WASHC4: variants seen among roughly 807,000 people sequenced by gnomAD.
The protein encoded by WASHC4 is WASH complex subunit 7.
WASHC4 carries 86 observed loss-of-function variants against 166.6 expected under a neutral mutation model. The ratio of observed to expected loss-of-function variants is 0.52; its 90% CI spans 0.43 to 0.62. WASHC4 has a LOEUF of 0.62. Among genes scored for constraint, WASHC4 ranks in the 20% least tolerant of loss-of-function variants. WASHC4 has a pLI of 0.00. For synonymous variants in WASHC4, 446 were observed against 451.6 expected (o/e 0.99, Z 0.16); for missense variants, 1,262 against 1,382.4 (o/e 0.91, Z 1.38).
intron 7 of WASHC4, among the ~76,000 whole-genome samples, chr12:105,119,272 G>C (rs1176214398): frequency 6.6e-6 from 1 of 152,020 alleles, no homozygotes; most frequent in African/African-American, 2.4e-5. Flanking sequence ...CATTTTCATA[G>C]AGCTCTTGCA....
At chr12:105,131,078 A>T (rs113492699) in intron 13 of WASHC4, among the ~76,000 whole-genome samples, 2,265 of 149,020 alleles carry the variant, frequency 0.015, 41 homozygotes, top group African/African-American at 0.042. Flanking sequence ...TTATTTATTT[A>T]TTTATTTTTT....
intron 4 of WASHC4, 67 bp downstream of exon 4, chr12:105,114,494 A>G (rs902776270): frequency 3.3e-5 from 33 of 985,990 alleles, no homozygotes; most frequent in Non-Finnish European, 4.9e-5. Flanking sequence ...GTGTTTATAT[A>G]TGTACAGTGT....
intron 18 of WASHC4, among the ~76,000 whole-genome samples, 198 bp downstream of exon 18, chr12:105,141,444 A>G (rs1882842236): frequency 6.6e-6 from 1 of 152,256 alleles, no homozygotes; most frequent in Non-Finnish European, 1.5e-5. Context: ...GGAAGCATGT[A>G]GCCCCTAGAA....
intron 13 of WASHC4, 109 bp from the exon 14 acceptor site, chr12:105,133,661 A>T: frequency 2.1e-6 from 2 of 946,244 alleles, no homozygotes; most frequent in Non-Finnish European, 3.4e-6. Context: ...ATCTTTTGAA[A>T]ACCAGAAAGA....
At chr12:105,111,792 TTTG>T (rs1565990092) in intron 2 of WASHC4, among the ~76,000 whole-genome samples, 1 of 152,236 alleles carries the variant, frequency 6.6e-6, no homozygotes, top group East Asian at 1.9e-4. Context: ...TTAAAATTAG[TTTG>T]TTACCACTTG....
At chr12:105,157,349 A>C (rs761845485) in intron 28 of WASHC4, 27 bp downstream of exon 28, 2 of 1,300,494 alleles carry the variant, frequency 1.5e-6, no homozygotes, top group Non-Finnish European at 2.2e-6. Context: ...AATATAAAAA[A>C]GTGTGTTTAT....
At chr12:105,113,105 C>T (rs1057009289) in intron 2 of WASHC4, among the ~76,000 whole-genome samples, 12 of 152,204 alleles carry the variant, frequency 7.9e-5, no homozygotes, top group African/African-American at 2.2e-4. Context: ...CTCAACACTT[C>T]TGTGAGAATC....
intron 4 of WASHC4, among the ~76,000 whole-genome samples, chr12:105,114,808 T>C (rs1880027096): frequency 6.6e-6 from 1 of 152,038 alleles, no homozygotes; most frequent in Non-Finnish European, 1.5e-5. Context: ...AAAATGCATT[T>C]AGTTTTGTGT....
chr12:105,115,586 T>G (rs1880105526), intron 5 of WASHC4, 75 bp from the exon 6 acceptor site: 2 of 1,107,924 alleles, frequency 1.8e-6, no homozygotes, highest in East Asian at 2.4e-5. Flanking sequence ...AAAAAAAAAC[T>G]TTTCCCCCTT....
Position 105,156,810 on chromosome 12 carries a change from A to AT in WASHC4, c.2825+23dup, listed in dbSNP as rs779219735. On this transcript the variant is annotated intron_variant, in intron 27 of 32. Transcript: ENST00000332180. ...GCCATTAGGTATGGATGCAAACATC[A>AT]TTTTTGCCTTGTTTATGCCATTTTA... is the stretch of plus-strand genomic sequence containing the variant. 5.0e-6 allele frequency: 8 copies of AT among 1,599,138 alleles called. No individual in the cohort carries two copies. The highest frequency in any genetic ancestry group is 8.6e-7 in the Non-Finnish European group (1 of 1,167,268).
At chr12:105,152,027 C>T (rs1883810700) in intron 25 of WASHC4, among the ~76,000 whole-genome samples, 1 of 152,206 alleles carries the variant, frequency 6.6e-6, no homozygotes, top group East Asian at 1.9e-4. Flanking sequence ...AACTTGGTCA[C>T]ACATCTGTGA....
chr12:105,165,974 C>T lies in WASHC4; in HGVS notation c.3455-890C>T, dbSNP rs77106206. Among the ~76,000 whole-genome samples, 1,222 of 152,292 alleles carry T rather than the reference C, an allele frequency of 8.0e-3. 21 individuals carry two copies. Among genetic ancestry groups the T allele is most frequent in the African/African-American group, 0.027 (1,119 of 41,558 alleles). ...AAATTATGAAGAAACTCAGTTATTG[C>T]CTCAGTTCTGCTCATGTGTTTCATG... On this transcript the variant is annotated intron_variant, in intron 32 of 32. Transcript: ENST00000332180.
chr12:105,166,817 T>TA (rs1884837928), intron 32 of WASHC4, 47 bp from the exon 33 acceptor site: 7 of 1,316,176 alleles, frequency 5.3e-6, no homozygotes, highest in Non-Finnish European at 6.5e-6. Context: ...ATTTATTGTT[T>TA]AAAAATGAAC....
Position 105,149,663 on chromosome 12 carries a change from C to A in WASHC4, c.2563C>A (p.Gln855Lys). 6.4e-7 allele frequency: 1 copy of A among 1,560,600 alleles called. No individual in the cohort carries two copies. The highest frequency in any genetic ancestry group is 8.8e-7 in the Non-Finnish European group (1 of 1,135,314). Reference protein sequence around the residue: ...FLKKKFYIFSQFMYDEHIKSR... With the variant: ...FLKKKFYIFSKFMYDEHIKSR... Reference sequence around the variant, plus strand: ...GAAAAAGAAGTTCTATATATTTAGCCAATTTATGTATGATGAACACATCAA... The same window carrying A: ...GAAAAAGAAGTTCTATATATTTAGCAAATTTATGTATGATGAACACATCAA... The change falls in exon 25 of 33, where the codon CAA becomes AAA. Residue 855 changes from glutamine to lysine, a missense_variant. Gln to Lys is a moderately conservative substitution (Grantham distance 53). Coordinates refer to ENST00000332180, the MANE Select transcript of WASHC4 (RefSeq NM_015275.3).
chr12:105,115,316 T>A, intron 5 of WASHC4, 87 bp downstream of exon 5: 1 of 831,294 alleles, frequency 1.2e-6, no homozygotes, highest in Non-Finnish European at 2.1e-6. Flanking sequence ...ACTATGATTA[T>A]ATAATAGTGT....
intron 5 of WASHC4, 102 bp from the exon 6 acceptor site, chr12:105,115,559 A>G (rs1880101978): frequency 2.4e-6 from 2 of 818,060 alleles, no homozygotes; most frequent in East Asian, 4.9e-5. Flanking sequence ...ATGCAGAGTA[A>G]AAGATGTCCT....
intron 13 of WASHC4, among the ~76,000 whole-genome samples, chr12:105,128,945 ATT>A (rs60081185): frequency 2.8e-4 from 28 of 99,564 alleles, no homozygotes; most frequent in Admixed American, 3.1e-4. Flanking sequence ...GCCCAGCTAC[ATT>A]TTTTTTTTTT....
rs1565989822 is a variant in WASHC4 at position 105,111,275 on chromosome 12, A to T, written c.201+11A>T. ...CCTATAGCATTAAAGGTTTGATTTG[A>T]TTTTTTAAAAATATATGTATATATT... is the stretch of plus-strand genomic sequence containing the variant. On this transcript the variant is annotated intron_variant, in intron 2 of 32. Coordinates refer to ENST00000332180, the MANE Select transcript of WASHC4 (RefSeq NM_015275.3). The T allele has an allele frequency of 1.3e-6, 2 of 1,571,406 alleles. No individual in the cohort carries two copies. Among genetic ancestry groups the T allele is most frequent in the Admixed American group, 1.7e-5 (1 of 59,638 alleles).
At chr12:105,148,786 G>T (rs1055543736) in intron 24 of WASHC4, 24 of 984,988 alleles carry the variant, frequency 2.4e-5, no homozygotes, top group Non-Finnish European at 2.8e-5. Context: ...ATGAATTTAG[G>T]GTTTTCATTT....
Sources: allele counts gnomAD v4.1 joint callset (sites outside exome capture counted in the v4.1 genomes callset), GRCh38; gene constraint gnomAD v4.1.1; transcripts MANE v1.5; gene names NCBI Gene and HGNC (gene_info 2026-07-23, HGNC 2026-07-21).